Variants in TENM2 observed in about 807,000 individuals in gnomAD.
The protein encoded by TENM2 is teneurin-2.
Under a neutral mutation model 245.2 loss-of-function variants are expected in TENM2, and 52 were observed. The ratio of observed to expected loss-of-function variants is 0.21; its 90% CI spans 0.17 to 0.27. The LOEUF (loss-of-function observed/expected upper bound fraction) is 0.27, where lower values mean the gene tolerates loss of function less well. Among genes scored for constraint, TENM2 ranks in the 10% least tolerant of loss-of-function variants. The pLI is 1.00. For missense variants in TENM2, 3,046 were observed against 3,666.8 expected (o/e 0.83, Z 4.37); for synonymous variants, 1,363 against 1,438.9 (o/e 0.95, Z 1.19).
At chr5:167,167,100 A>G in the TENM2 span, among the ~76,000 whole-genome samples, 1 of 152,162 alleles carries the variant, frequency 6.6e-6, no homozygotes, top group South Asian at 2.1e-4. Context: ...GTTAACATCT[A>G]GGGAGGTAGA....
chr5:168,054,671 A>T (rs923182757), intron 6 of TENM2, among the ~76,000 whole-genome samples: 1 of 152,224 alleles, frequency 6.6e-6, no homozygotes, highest in Non-Finnish European at 1.5e-5. Flanking sequence ...ACATTTTCTG[A>T]AATGATTAGC....
intron 1 of TENM2, among the ~76,000 whole-genome samples, chr5:167,327,031 T>A (rs1267452818): frequency 1.3e-5 from 2 of 152,202 alleles, no homozygotes; most frequent in Admixed American, 6.5e-5. Flanking sequence ...TTTTAAAAAA[T>A]TTTATTATTA....
chr5:167,082,624 T>C, the TENM2 span, among the ~76,000 whole-genome samples: 6,604 of 152,200 alleles, frequency 0.043, 191 homozygotes, highest in South Asian at 0.089. Context: ...TTTGACACAG[T>C]TGTTACTTCA....
intron 13 of TENM2, among the ~76,000 whole-genome samples, chr5:168,189,638 A>G (rs1760774001): frequency 6.6e-6 from 1 of 152,222 alleles, no homozygotes; most frequent in Admixed American, 6.5e-5. Flanking sequence ...TAGAAAATGT[A>G]ATACTCTCAG....
chr5:167,959,373 T>G (rs770298987), intron 4 of TENM2, among the ~76,000 whole-genome samples: 1 of 152,126 alleles, frequency 6.6e-6, no homozygotes, highest in Non-Finnish European at 1.5e-5. Flanking sequence ...TTTTTTGTAT[T>G]GTTAGTAGAG....
At chr5:167,937,802 A>C (rs1778848612) in intron 3 of TENM2, 1 of 152,146 alleles carries the variant, frequency 6.6e-6, no homozygotes, top group Non-Finnish European at 1.5e-5. Flanking sequence ...TGGCGCTCAG[A>C]GTGTTCAAAG....
chr5:168,253,427 TTA>T lies in TENM2; in HGVS notation c.7432+5058_7432+5059del, dbSNP rs796651293. Among the ~76,000 whole-genome samples the T allele has an allele frequency of 5.3e-4, 71 of 134,862 alleles. 6 individuals carry two copies. Among genetic ancestry groups the T allele is most frequent in the African/African-American group, 1.0e-3 (38 of 37,676 alleles). The allele number at this position is 134,862 out of a possible 152,430, so 88.5% of individuals were successfully genotyped here. ...AAAGCTAATAAATGCATTCATTATT[TTA>T]TTTTTTTTTTTTTTGAGACAGAGTC... On this transcript the variant is annotated intron_variant, in intron 27 of 28. Coordinates refer to ENST00000518659, the Ensembl canonical transcript of TENM2.
At chr5:167,972,744 A>G (rs1781883243) in intron 4 of TENM2, among the ~76,000 whole-genome samples, 1 of 152,160 alleles carries the variant, frequency 6.6e-6, no homozygotes, top group African/African-American at 2.4e-5. Context: ...AAGAGCCCAG[A>G]AGTTTATGGT....
chr5:167,023,207 G>T, the TENM2 span, among the ~76,000 whole-genome samples: 2 of 152,176 alleles, frequency 1.3e-5, no homozygotes, highest in African/African-American at 2.4e-5. Context: ...AGGAATACTT[G>T]CATTCCCTTG....
chr5:168,014,633 A>G (rs1361500254), intron 5 of TENM2, among the ~76,000 whole-genome samples: 1 of 152,226 alleles, frequency 6.6e-6, no homozygotes, highest in Non-Finnish European at 1.5e-5. Context: ...GTTTCCTCTT[A>G]TTCAAATGCA....
chr5:167,479,814 T>C (rs972570406), intron 2 of TENM2, among the ~76,000 whole-genome samples: 1 of 152,136 alleles, frequency 6.6e-6, no homozygotes, highest in African/African-American at 2.4e-5. Context: ...ATCAGTAAAA[T>C]GTTTGGTGAA....
At chr5:168,263,386 A>G (rs1211121860), downstream of TENM2, 1 of 152,740 alleles carries the variant, frequency 6.5e-6, no homozygotes, top group African/African-American at 2.4e-5. Context: ...TTAAGCAAAT[A>G]CAGGTGCATT....
chr5:167,907,555 A>ATG, intron 3 of TENM2, among the ~76,000 whole-genome samples: 1 of 108,054 alleles, frequency 9.3e-6, no homozygotes, highest in East Asian at 2.5e-4. Flanking sequence ...ATATATATAT[A>ATG]TATATATATA....
intron 2 of TENM2, among the ~76,000 whole-genome samples, chr5:167,415,087 A>G (rs1292070913): frequency 6.6e-6 from 1 of 152,156 alleles, no homozygotes; most frequent in Non-Finnish European, 1.5e-5. Context: ...GCCAGGACTC[A>G]GAGAACAGCA....
chr5:167,763,714 A>G (rs534317846), intron 2 of TENM2, among the ~76,000 whole-genome samples: 2 of 152,254 alleles, frequency 1.3e-5, no homozygotes, highest in African/African-American at 4.8e-5. Flanking sequence ...CTTTTCATGA[A>G]TTTGTTTTAA....
chr5:167,256,593 C>T, the TENM2 span, among the ~76,000 whole-genome samples: 150 of 152,204 alleles, frequency 9.9e-4, no homozygotes, highest in African/African-American at 3.5e-3. Flanking sequence ...ATTAGTAAAG[C>T]ATAATATAAA....
intron 4 of TENM2, among the ~76,000 whole-genome samples, chr5:167,979,504 C>T (rs771062838): frequency 6.6e-6 from 1 of 152,046 alleles, no homozygotes; most frequent in Non-Finnish European, 1.5e-5. Flanking sequence ...CCAGGTGATT[C>T]GTGTGAAGTA....
intron 4 of TENM2, among the ~76,000 whole-genome samples, chr5:167,974,744 G>A (rs555614194): frequency 2.4e-4 from 36 of 152,266 alleles, no homozygotes; most frequent in Non-Finnish European, 3.2e-4. Context: ...ACCTGCTGCC[G>A]ACAGTTTCCT....
intron 2 of TENM2, among the ~76,000 whole-genome samples, chr5:167,778,983 G>A (rs1474725794): frequency 6.6e-6 from 1 of 152,174 alleles, no homozygotes; most frequent in African/African-American, 2.4e-5. Context: ...CAGCATTAAC[G>A]CATATCAGGC....
Sources: gnomAD v4.1 joint callset for allele counts (sites outside exome capture counted in the v4.1 genomes callset) on GRCh38, gnomAD v4.1.1 for gene constraint, MANE v1.5 for transcripts, NCBI Gene and HGNC (gene_info 2026-07-23, HGNC 2026-07-21) for gene names.